The following CNTN3 variants were observed in gnomAD, a reference collection of about 807,000 sequenced individuals.
CNTN3 encodes the protein contactin-3.
CNTN3 carries 60 observed loss-of-function variants against 119.1 expected under a neutral mutation model. The ratio of observed to expected loss-of-function variants is 0.50; its 90% CI spans 0.41 to 0.62. The LOEUF (loss-of-function observed/expected upper bound fraction) is 0.62, where lower values mean the gene tolerates loss of function less well. Ranked by LOEUF, CNTN3 falls within the 20% of genes least tolerant of loss-of-function variation. The pLI is 0.00. For missense variants in CNTN3, 1,101 were observed against 1,242.4 expected, an observed-to-expected ratio of 0.89 and a Z score of 1.71; for synonymous variants, 450 against 438.7, an observed-to-expected ratio of 1.03 and a Z score of -0.32.
intron 13 of CNTN3, among the ~76,000 whole-genome samples, chr3:74,308,219 G>A (rs1037137990): frequency 6.6e-6 from 1 of 152,114 alleles, no homozygotes; most frequent in African/African-American, 2.4e-5. Flanking sequence ...ACTAATGTAC[G>A]CTGCTCATCC....
rs572774696 is a variant in CNTN3 at position 74,316,385 on chromosome 3, G to A, written c.1669-13578C>T. Among the ~76,000 whole-genome samples the A allele has an allele frequency of 7.2e-4, 109 of 152,288 alleles. 1 individual carries two copies. Among genetic ancestry groups the A allele is most frequent in the African/African-American group, 2.6e-3 (107 of 41,574 alleles). On this transcript the variant is annotated intron_variant, in intron 13 of 22. Transcript: ENST00000263665. Reference sequence around the variant, plus strand: ...TAAAGGAAACAGGTATACACTGTTGGTGGGAATGTAAATTAGTACAGGCAT... The same window carrying A: ...TAAAGGAAACAGGTATACACTGTTGATGGGAATGTAAATTAGTACAGGCAT...
chr3:74,454,860 T>A (rs936098283), intron 4 of CNTN3, among the ~76,000 whole-genome samples: 9 of 152,142 alleles, frequency 5.9e-5, no homozygotes, highest in African/African-American at 9.7e-5. Flanking sequence ...GCTTGTAGAG[T>A]TTCTGCCGAG....
intron 5 of CNTN3, among the ~76,000 whole-genome samples, chr3:74,383,922 TA>T (rs1259970516): frequency 6.6e-6 from 1 of 152,190 alleles, no homozygotes; most frequent in Non-Finnish European, 1.5e-5. Flanking sequence ...GTTACAGAAA[TA>T]AAAGCAAATG....
chr3:74,497,494 T>C (rs1265069586), intron 3 of CNTN3, among the ~76,000 whole-genome samples: 1 of 151,962 alleles, frequency 6.6e-6, no homozygotes, highest in Non-Finnish European at 1.5e-5. Flanking sequence ...CTGATATTTC[T>C]TAGAATGAAA....
At chr3:74,295,294 A>T (rs1051745492) in intron 18 of CNTN3, 58 bp from the exon 19 acceptor site, 2 of 859,026 alleles carry the variant, frequency 2.3e-6, no homozygotes, top group South Asian at 3.3e-5. Context: ...TTTAAAACAC[A>T]GATTAATGTT....
chr3:74,311,826 T>C (rs543488918), intron 13 of CNTN3, among the ~76,000 whole-genome samples: 1 of 152,320 alleles, frequency 6.6e-6, no homozygotes, highest in African/African-American at 2.4e-5. Flanking sequence ...AGTGAGGTCA[T>C]AGGACAAACG....
intron 17 of CNTN3, among the ~76,000 whole-genome samples, chr3:74,299,647 T>C (rs1250393031): frequency 6.6e-6 from 1 of 151,960 alleles, no homozygotes; most frequent in Non-Finnish European, 1.5e-5. Flanking sequence ...AGAGAAAGTA[T>C]CAAAAAATAT....
At chr3:74,558,064 C>T (rs558775125) in intron 1 of CNTN3, among the ~76,000 whole-genome samples, 7 of 152,318 alleles carry the variant, frequency 4.6e-5, no homozygotes, top group Non-Finnish European at 1.0e-4. Flanking sequence ...GAACTGCCCT[C>T]GGCCAGAGTT....
intron 3 of CNTN3, among the ~76,000 whole-genome samples, chr3:74,490,856 T>C (rs1702950533): frequency 6.6e-6 from 1 of 152,216 alleles, no homozygotes; most frequent in Non-Finnish European, 1.5e-5. Context: ...AGAGCTAAAA[T>C]ATACTTGCCA....
chr3:74,434,920 G>A (rs1213142426), intron 4 of CNTN3, among the ~76,000 whole-genome samples: 1 of 151,882 alleles, frequency 6.6e-6, no homozygotes, highest in East Asian at 1.9e-4. Flanking sequence ...GATATTTTTT[G>A]GATGTCCAAT....
At chr3:74,429,107 T>C (rs1701743042) in intron 4 of CNTN3, among the ~76,000 whole-genome samples, 1 of 152,104 alleles carries the variant, frequency 6.6e-6, no homozygotes, top group African/African-American at 2.4e-5. Context: ...AAGTGACACA[T>C]GAGTGTATAA....
chr3:74,483,634 T>C (rs1329252899), intron 4 of CNTN3, among the ~76,000 whole-genome samples: 2 of 152,080 alleles, frequency 1.3e-5, no homozygotes, highest in African/African-American at 2.4e-5. Context: ...GGGTGCAGTA[T>C]CTACCCTAAC....
Position 74,455,290 on chromosome 3 carries a change from C to T in CNTN3, c.359-30350G>A, listed in dbSNP as rs188939683. 2.1e-3 allele frequency among the ~76,000 whole-genome samples: 318 copies of T among 152,122 alleles called. 1 individual carries two copies. The highest frequency in any genetic ancestry group is 7.1e-3 in the African/African-American group (295 of 41,520). On this transcript the variant is annotated intron_variant, in intron 4 of 22. Transcript: ENST00000263665. ...GCTGATACCCTTTCTTCCAGTTGAT[C>T]GCATCGGCTCCTGAGGCTTCTGAAT...
chr3:74,611,287 A>C (rs1474468767), intron 1 of CNTN3, among the ~76,000 whole-genome samples: 2 of 152,220 alleles, frequency 1.3e-5, no homozygotes, highest in Non-Finnish European at 2.9e-5. Flanking sequence ...CCAAGTAGCA[A>C]AGCTGTTTGA....
At chr3:74,483,310 C>T (rs990757311) in intron 4 of CNTN3, among the ~76,000 whole-genome samples, 2 of 152,018 alleles carry the variant, frequency 1.3e-5, no homozygotes, top group Admixed American at 1.3e-4. Flanking sequence ...ATGTACTTCA[C>T]TCACCTTATG....
chr3:74,555,125 G>T (rs757160741), intron 1 of CNTN3, among the ~76,000 whole-genome samples: 8 of 152,128 alleles, frequency 5.3e-5, no homozygotes, highest in Non-Finnish European at 1.2e-4. Flanking sequence ...AGCAAGAAAG[G>T]CTGTTTAATT....
chr3:74,347,211 A>G (rs1703712611), intron 11 of CNTN3, among the ~76,000 whole-genome samples: 1 of 152,190 alleles, frequency 6.6e-6, no homozygotes, highest in Non-Finnish European at 1.5e-5. Context: ...CTCTACCTCA[A>G]GAATACACAG....
intron 4 of CNTN3, among the ~76,000 whole-genome samples, chr3:74,432,985 C>A (rs1439925717): frequency 6.6e-6 from 1 of 152,082 alleles, no homozygotes; most frequent in East Asian, 1.9e-4. Context: ...CAAGCCAGAG[C>A]CTCCAAAAAG....
At chr3:74,423,343 T>C (rs932850595) in intron 5 of CNTN3, among the ~76,000 whole-genome samples, 14 of 152,222 alleles carry the variant, frequency 9.2e-5, no homozygotes, top group African/African-American at 3.4e-4. Context: ...TAAATCAGAA[T>C]TGCCCAGTGT....
Sources: gnomAD v4.1 joint callset for allele counts (sites outside exome capture counted in the v4.1 genomes callset) on GRCh38, gnomAD v4.1.1 for gene constraint, MANE v1.5 for transcripts, NCBI Gene and HGNC (gene_info 2026-07-23, HGNC 2026-07-21) for gene names.